COL24A1: variants seen among roughly 807,000 people sequenced by gnomAD.
COL24A1 encodes the protein collagen type XXIV alpha 1 chain.
COL24A1 carries 224 observed loss-of-function variants against 253.9 expected under a neutral mutation model. The observed-to-expected ratio is 0.88, with a 90% CI of 0.79 to 0.99. The LOEUF (loss-of-function observed/expected upper bound fraction) is 0.99, where lower values mean the gene tolerates loss of function less well. COL24A1 is among the 50% of genes least tolerant of loss of function. The pLI, the probability that COL24A1 is intolerant of heterozygous loss-of-function variation, is 0.00. For missense variants in COL24A1, 2,131 were observed against 2,068.5 expected (o/e 1.03, Z -0.59); for synonymous variants, 685 against 673.7 (o/e 1.02, Z -0.26).
chr1:85,958,890 T>A (rs983394465), intron 24 of COL24A1, among the ~76,000 whole-genome samples: 1 of 152,150 alleles, frequency 6.6e-6, no homozygotes, highest in Non-Finnish European at 1.5e-5. Context: ...ATTAAGTCTT[T>A]GTATACTATA....
chr1:86,024,078 T>G (rs564469576), intron 14 of COL24A1, among the ~76,000 whole-genome samples: 2 of 152,054 alleles, frequency 1.3e-5, no homozygotes, highest in East Asian at 3.9e-4. Flanking sequence ...AACTTTCCAG[T>G]CTCCTTTCCT....
chr1:85,868,464 C>T (rs1680031696), intron 37 of COL24A1, 55 bp downstream of exon 37: 5 of 1,251,952 alleles, frequency 4.0e-6, no homozygotes, highest in Non-Finnish European at 5.9e-6. Flanking sequence ...TGCATGTGTA[C>T]ACATACAGGC....
intron 12 of COL24A1, among the ~76,000 whole-genome samples, chr1:86,042,150 T>C (rs1699540895): frequency 6.6e-6 from 1 of 152,130 alleles, no homozygotes. Flanking sequence ...AGGAAGTCTT[T>C]AAAAATAATT....
chr1:85,769,280 G>T (rs998499986), intron 53 of COL24A1, among the ~76,000 whole-genome samples: 1 of 152,082 alleles, frequency 6.6e-6, no homozygotes, highest in Non-Finnish European at 1.5e-5. Flanking sequence ...TTCTAGTGAG[G>T]AAAAATATAA....
intron 18 of COL24A1, 74 bp from the exon 19 acceptor site, chr1:86,017,278 G>T: frequency 7.9e-7 from 1 of 1,269,514 alleles, no homozygotes; most frequent in Non-Finnish European, 1.1e-6. Flanking sequence ...ACAGGCATAT[G>T]GTAAACAAAT....
chr1:85,764,341 T>C (rs1044634815), intron 53 of COL24A1, among the ~76,000 whole-genome samples: 1 of 151,970 alleles, frequency 6.6e-6, no homozygotes, highest in Non-Finnish European at 1.5e-5. Flanking sequence ...GTAATGTAAT[T>C]AGAATGGAAT....
chr1:85,771,262 C>G (rs537732851), intron 53 of COL24A1, among the ~76,000 whole-genome samples: 1 of 152,088 alleles, frequency 6.6e-6, no homozygotes, highest in East Asian at 1.9e-4. Context: ...AGCCTCCGAC[C>G]CCCGACAGGC....
chr1:85,996,700 C>T (rs865850395), intron 19 of COL24A1, among the ~76,000 whole-genome samples: 4 of 151,958 alleles, frequency 2.6e-5, no homozygotes, highest in South Asian at 2.1e-4. Context: ...CAAGACAAGA[C>T]GTAGTTACTA....
intron 34 of COL24A1, among the ~76,000 whole-genome samples, chr1:85,874,984 T>C (rs1279101321): frequency 6.6e-6 from 1 of 152,156 alleles, no homozygotes; most frequent in African/African-American, 2.4e-5. Flanking sequence ...TGCTCAGTCC[T>C]TATGAGAATC....
At chr1:85,950,524 A>G (rs1407722811) in intron 24 of COL24A1, among the ~76,000 whole-genome samples, 1 of 152,184 alleles carries the variant, frequency 6.6e-6, no homozygotes, top group South Asian at 2.1e-4. Context: ...GTTTGAACCC[A>G]GTAAGTATTA....
chr1:86,114,302 G>A (rs932528710), intron 4 of COL24A1, among the ~76,000 whole-genome samples: 1 of 152,162 alleles, frequency 6.6e-6, no homozygotes, highest in Admixed American at 6.5e-5. Flanking sequence ...GAAGATAAAA[G>A]TAAAAAAGTA....
intron 8 of COL24A1, among the ~76,000 whole-genome samples, chr1:86,060,890 T>C (rs1412166462): frequency 6.6e-6 from 1 of 151,778 alleles, no homozygotes; most frequent in Non-Finnish European, 1.5e-5. Context: ...ATATTAAATA[T>C]TATATATTTA....
chr1:86,124,554 A>G (rs1292880336), intron 3 of COL24A1, among the ~76,000 whole-genome samples: 1 of 151,956 alleles, frequency 6.6e-6, no homozygotes, highest in African/African-American at 2.4e-5. Context: ...ATCCTGATTG[A>G]ATTTCAACTG....
chr1:85,743,456 T>C (rs1664860996), intron 57 of COL24A1, among the ~76,000 whole-genome samples: 1 of 152,166 alleles, frequency 6.6e-6, no homozygotes, highest in Non-Finnish European at 1.5e-5. Flanking sequence ...ATTTAAAAAT[T>C]GTATCTTGTG....
rs544026227 is a variant in COL24A1, at chr1:85,826,532, C to T, written c.3682-2794G>A. 3.1e-3 allele frequency among the ~76,000 whole-genome samples: 431 copies of T among 139,746 alleles called. 2 individuals carry two copies. The highest frequency in any genetic ancestry group is 4.7e-3 in the Non-Finnish European group (303 of 64,228). 91.7% of individuals were successfully genotyped at this position (139,746 alleles called of 152,430 possible). On this transcript the variant is annotated intron_variant, in intron 43 of 59. Transcript: ENST00000370571. Reference sequence around the variant, plus strand: ...ACCTTGGGCAGTATGGCCATTTTCACGATATTGATTCTTCCTACCCATGAG... The same window carrying T: ...ACCTTGGGCAGTATGGCCATTTTCATGATATTGATTCTTCCTACCCATGAG...
intron 8 of COL24A1, among the ~76,000 whole-genome samples, chr1:86,060,046 A>G (rs547865640): frequency 3.3e-5 from 5 of 152,232 alleles, no homozygotes; most frequent in Non-Finnish European, 7.4e-5. Context: ...GACAGATGGT[A>G]AACTCCTTTG....
chr1:85,944,811 A>G (rs1367144838), intron 24 of COL24A1, among the ~76,000 whole-genome samples: 3 of 150,832 alleles, frequency 2.0e-5, no homozygotes, highest in African/African-American at 7.3e-5. Flanking sequence ...ATGTGTTCTC[A>G]TTGTTCAATT....
intron 43 of COL24A1, among the ~76,000 whole-genome samples, chr1:85,834,998 T>G (rs902171072): frequency 1.3e-5 from 2 of 152,210 alleles, no homozygotes; most frequent in African/African-American, 4.8e-5. Flanking sequence ...TCCATGTTTT[T>G]TATATATATG....
chr1:86,001,170 T>C (rs1245442684), intron 19 of COL24A1, among the ~76,000 whole-genome samples: 1 of 152,220 alleles, frequency 6.6e-6, no homozygotes, highest in Non-Finnish European at 1.5e-5. Context: ...GCAAGTATCA[T>C]CACTGTCACA....
Sources: gnomAD v4.1 joint callset for allele counts (sites outside exome capture counted in the v4.1 genomes callset) on GRCh38, gnomAD v4.1.1 for gene constraint, MANE v1.5 for transcripts, NCBI Gene and HGNC (gene_info 2026-07-23, HGNC 2026-07-21) for gene names.